Variants in CPQ observed in about 807,000 individuals in gnomAD.
The protein encoded by CPQ is carboxypeptidase Q, also known as Ser-Met dipeptidase.
A neutral mutation model predicts 45.7 loss-of-function variants in CPQ; 37 were observed. The ratio of observed to expected loss-of-function variants is 0.81; its 90% CI spans 0.62 to 1.07. CPQ has a LOEUF of 1.07. Among genes scored for constraint, CPQ ranks in the 50% least tolerant of loss-of-function variants. The pLI, the probability that CPQ is intolerant of heterozygous loss-of-function variation, is 0.00. For missense variants in CPQ, 537 were observed against 572.9 expected, an observed-to-expected ratio of 0.94 and a Z score of 0.64; for synonymous variants, 186 against 205.8, an observed-to-expected ratio of 0.90 and a Z score of 0.82.
intron 3 of CPQ, among the ~76,000 whole-genome samples, chr8:96,877,697 G>A (rs1462635586): frequency 6.6e-6 from 1 of 152,082 alleles, no homozygotes; most frequent in Non-Finnish European, 1.5e-5. Context: ...ATTTTTCATA[G>A]CAATATTATG....
chr8:97,002,083 T>C (rs1431137545), intron 5 of CPQ, among the ~76,000 whole-genome samples: 1 of 152,092 alleles, frequency 6.6e-6, no homozygotes, highest in Non-Finnish European at 1.5e-5. Flanking sequence ...CTGATGGTTG[T>C]TTGTATTTCT....
At chr8:96,652,881 G>A (rs1035268892) in intron 1 of CPQ, among the ~76,000 whole-genome samples, 1 of 152,150 alleles carries the variant, frequency 6.6e-6, no homozygotes. Context: ...TGATCCGCCC[G>A]CCTCAGCCTC....
At chr8:96,835,351 T>C (rs1449079225) in intron 3 of CPQ, among the ~76,000 whole-genome samples, 171 bp downstream of exon 3, 1 of 152,210 alleles carries the variant, frequency 6.6e-6, no homozygotes, top group Non-Finnish European at 1.5e-5. Flanking sequence ...TGTAATATCT[T>C]CTTTGGCTTT....
intron 1 of CPQ, among the ~76,000 whole-genome samples, chr8:96,750,427 T>C (rs1172513817): frequency 6.6e-6 from 1 of 152,074 alleles, no homozygotes; most frequent in Non-Finnish European, 1.5e-5. Context: ...ACATGTGTGA[T>C]ATGTATTAGC....
chr8:96,689,252 G>A (rs953833443), intron 1 of CPQ, among the ~76,000 whole-genome samples: 5 of 152,132 alleles, frequency 3.3e-5, no homozygotes, highest in Non-Finnish European at 5.9e-5. Context: ...GGATAAATTT[G>A]TGTAGGTCTC....
chr8:96,879,123 A>G (rs917066808), intron 3 of CPQ, among the ~76,000 whole-genome samples: 9 of 152,258 alleles, frequency 5.9e-5, no homozygotes, highest in African/African-American at 1.4e-4. Context: ...AAGCATCTAG[A>G]AATTAACAGG....
chr8:96,955,389 A>G (rs1270460681), intron 4 of CPQ, among the ~76,000 whole-genome samples: 1 of 152,124 alleles, frequency 6.6e-6, no homozygotes, highest in African/African-American at 2.4e-5. Context: ...GGCTGCATAA[A>G]TGTCTTCCTT....
At chr8:97,031,508 C>G (rs1809907629) in intron 6 of CPQ, among the ~76,000 whole-genome samples, 1 of 152,242 alleles carries the variant, frequency 6.6e-6, no homozygotes, top group South Asian at 2.1e-4. Context: ...ATACACTCTA[C>G]TCCAAGAAAA....
At chr8:96,902,992 G>A (rs1048220752) in intron 4 of CPQ, among the ~76,000 whole-genome samples, 1 of 152,188 alleles carries the variant, frequency 6.6e-6, no homozygotes, top group African/African-American at 2.4e-5. Context: ...GGCTTAGTGT[G>A]AAGTGATAGG....
chr8:97,135,286 C>T (rs1426402155), intron 7 of CPQ, among the ~76,000 whole-genome samples: 1 of 151,988 alleles, frequency 6.6e-6, no homozygotes, highest in African/African-American at 2.4e-5. Context: ...CTGGTCCTGT[C>T]CTGTCCTTTG....
intron 1 of CPQ, among the ~76,000 whole-genome samples, chr8:96,777,434 G>A (rs1810619190): frequency 6.6e-6 from 1 of 151,948 alleles, no homozygotes; most frequent in African/African-American, 2.4e-5. Flanking sequence ...GGAAAGGGAA[G>A]GAGGGAGAAT....
intron 1 of CPQ, among the ~76,000 whole-genome samples, chr8:96,661,681 G>A (rs747139850): frequency 2.0e-5 from 3 of 151,936 alleles, no homozygotes; most frequent in Admixed American, 6.6e-5. Flanking sequence ...TTATTTATCC[G>A]TTCACCTACT....
chr8:96,936,444 A>G (rs1447854647), intron 4 of CPQ, among the ~76,000 whole-genome samples: 1 of 152,236 alleles, frequency 6.6e-6, no homozygotes, highest in Admixed American at 6.5e-5. Context: ...TAAATACCAC[A>G]GAATTCAGTA....
At chr8:96,712,944 C>T (rs528737648) in intron 1 of CPQ, among the ~76,000 whole-genome samples, 37 of 152,148 alleles carry the variant, frequency 2.4e-4, no homozygotes, top group African/African-American at 7.2e-4. Context: ...TCCTCTTGAT[C>T]GCTTTGCCCC....
At chr8:96,874,038 T>C (rs937675482) in intron 3 of CPQ, among the ~76,000 whole-genome samples, 3 of 151,838 alleles carry the variant, frequency 2.0e-5, no homozygotes, top group Non-Finnish European at 4.4e-5. Flanking sequence ...AGGAAAATAT[T>C]CAGCTGGCTT....
chr8:96,898,890 C>T (rs1812479009), intron 4 of CPQ, among the ~76,000 whole-genome samples: 1 of 151,576 alleles, frequency 6.6e-6, no homozygotes, highest in African/African-American at 2.4e-5. Context: ...AGGAACTAGC[C>T]ATCCAGCCAC....
intron 7 of CPQ, among the ~76,000 whole-genome samples, chr8:97,102,531 G>A (rs766489344): frequency 7.9e-5 from 12 of 152,168 alleles, no homozygotes; most frequent in Non-Finnish European, 1.2e-4. Flanking sequence ...CAGTTTCAAG[G>A]ATTCAGATTT....
At chr8:96,888,341 C>T (rs1303292939) in intron 4 of CPQ, among the ~76,000 whole-genome samples, 3 of 152,034 alleles carry the variant, frequency 2.0e-5, no homozygotes, top group Non-Finnish European at 4.4e-5. Flanking sequence ...CTTAATCCTT[C>T]ATCTATAGAA....
intron 1 of CPQ, among the ~76,000 whole-genome samples, chr8:96,749,448 T>G (rs890761750): frequency 6.6e-6 from 1 of 152,240 alleles, no homozygotes; most frequent in Non-Finnish European, 1.5e-5. Flanking sequence ...TTAGGGCCAA[T>G]ACTTTGATAA....
Sources: allele counts gnomAD v4.1 joint callset (sites outside exome capture counted in the v4.1 genomes callset), GRCh38; gene constraint gnomAD v4.1.1; transcripts MANE v1.5; gene names NCBI Gene and HGNC (gene_info 2026-07-23, HGNC 2026-07-21).